LMO7: variants seen among roughly 807,000 people sequenced by gnomAD.
LMO7 encodes LIM domain 7, also known as LIM domain only protein 7.
In LMO7, 120 loss-of-function variants were observed where a neutral mutation model predicts 206.5. That is an observed-to-expected ratio of 0.58 (90% CI 0.50 to 0.68). The LOEUF (loss-of-function observed/expected upper bound fraction) is 0.68, where lower values mean the gene tolerates loss of function less well. Ranked by LOEUF, LMO7 falls within the 30% of genes least tolerant of loss-of-function variation. The pLI is 0.00. For synonymous variants in LMO7, 706 were observed against 681.5 expected, an observed-to-expected ratio of 1.04 and a Z score of -0.56; for missense variants, 1,959 against 1,957.9, an observed-to-expected ratio of 1.00 and a Z score of -0.01.
intron 1 of LMO7, among the ~76,000 whole-genome samples, chr13:75,712,158 G>A (rs1463716935): frequency 6.6e-6 from 1 of 152,212 alleles, no homozygotes; most frequent in Non-Finnish European, 1.5e-5. Flanking sequence ...GCTGGGGGAT[G>A]GTGGTAAAGG....
At chr13:75,630,509 CA>C (rs915793261) in intron 2 of LMO7, among the ~76,000 whole-genome samples, 1 of 151,986 alleles carries the variant, frequency 6.6e-6, no homozygotes, top group African/African-American at 2.4e-5. Flanking sequence ...ACCGTCTCTA[CA>C]AAAAATACAA....
chr13:75,706,233 C>T (rs960924949), intron 1 of LMO7, among the ~76,000 whole-genome samples: 4 of 152,188 alleles, frequency 2.6e-5, no homozygotes, highest in Non-Finnish European at 4.4e-5. Context: ...TACTTGGCCT[C>T]AACAGGCCAC....
At chr13:75,630,063 C>A (rs1247084013) in intron 2 of LMO7, among the ~76,000 whole-genome samples, 1 of 152,174 alleles carries the variant, frequency 6.6e-6, no homozygotes, top group East Asian at 1.9e-4. Context: ...TTGCATAAAA[C>A]CTACACAGTC....
chr13:75,809,085 A>G, intron 10 of LMO7, 69 bp from the exon 11 acceptor site: 1 of 1,159,658 alleles, frequency 8.6e-7, no homozygotes, highest in South Asian at 1.2e-5. Flanking sequence ...AGTGGAAGAC[A>G]TTGAACGTTT....
At chr13:75,842,447 T>TA (rs2059625598) in intron 24 of LMO7, among the ~76,000 whole-genome samples, 1 of 152,124 alleles carries the variant, frequency 6.6e-6, no homozygotes, top group Non-Finnish European at 1.5e-5. Flanking sequence ...GAATACCTGA[T>TA]TTAAAATACA....
intron 15 of LMO7, among the ~76,000 whole-genome samples, chr13:75,832,713 TGG>T (rs1261538313): frequency 1.3e-5 from 2 of 152,110 alleles, no homozygotes; most frequent in Non-Finnish European, 2.9e-5. Context: ...ACTTTATTCC[TGG>T]GCAGTGAATA....
chr13:75,725,969 G>C (rs1268449261), intron 2 of LMO7, among the ~76,000 whole-genome samples: 1 of 151,174 alleles, frequency 6.6e-6, no homozygotes, highest in South Asian at 2.1e-4. Context: ...TTGAAGGAGT[G>C]ACATTCCACA....
intron 1 of LMO7, among the ~76,000 whole-genome samples, chr13:75,674,763 G>A (rs546839165): frequency 6.6e-6 from 1 of 152,272 alleles, no homozygotes; most frequent in African/African-American, 2.4e-5. Flanking sequence ...AATCATTTAT[G>A]TTATCACTTG....
chr13:75,744,955 A>G (rs2046717269), intron 3 of LMO7, among the ~76,000 whole-genome samples: 1 of 152,232 alleles, frequency 6.6e-6, no homozygotes, highest in African/African-American at 2.4e-5. Context: ...ATGGCATATC[A>G]GCTCCAGATG....
At chr13:75,631,417 G>A (rs2034930624), upstream of LMO7, 1 of 152,208 alleles carries the variant, frequency 6.6e-6, no homozygotes, top group African/African-American at 2.4e-5. Flanking sequence ...GTAGCTTTGG[G>A]ATTCTCATTC....
At chr13:75,704,104 T>G (rs1279091362) in intron 1 of LMO7, among the ~76,000 whole-genome samples, 1 of 152,200 alleles carries the variant, frequency 6.6e-6, no homozygotes. Flanking sequence ...GAAGGGTGTT[T>G]TTAATTGATT....
chr13:75,820,795 T>C (rs2057491629), intron 13 of LMO7, among the ~76,000 whole-genome samples: 1 of 152,010 alleles, frequency 6.6e-6, no homozygotes, highest in Non-Finnish European at 1.5e-5. Flanking sequence ...GAGTTCGAGA[T>C]CAGCTTGGCC....
At chr13:75,752,331 A>G (rs571009470) in intron 3 of LMO7, among the ~76,000 whole-genome samples, 6 of 152,116 alleles carry the variant, frequency 3.9e-5, no homozygotes, top group South Asian at 2.1e-4. Flanking sequence ...GGGTTTCACC[A>G]TGAGTTATTC....
intron 1 of LMO7, among the ~76,000 whole-genome samples, chr13:75,680,464 A>G (rs2040383107): frequency 6.6e-6 from 1 of 152,166 alleles, no homozygotes; most frequent in Non-Finnish European, 1.5e-5. Flanking sequence ...GTCTTTGAGT[A>G]ATTGCCACAC....
chr13:75,796,569 A>G, intron 5 of LMO7, 67 bp from the exon 6 acceptor site: 1 of 847,840 alleles, frequency 1.2e-6, no homozygotes, highest in Middle Eastern at 2.2e-4. Flanking sequence ...GTACTCACCT[A>G]TATTTGAGCT....
intron 1 of LMO7, among the ~76,000 whole-genome samples, chr13:75,700,405 T>G (rs944004894): frequency 1.3e-5 from 2 of 152,366 alleles, no homozygotes; most frequent in Middle Eastern, 3.4e-3. Flanking sequence ...TTTGGAGAAC[T>G]AATAAATGTA....
chr13:75,842,736 A>G (rs139485816), intron 24 of LMO7, 115 bp from the exon 25 acceptor site: 3 of 664,080 alleles, frequency 4.5e-6, no homozygotes, highest in Middle Eastern at 4.0e-4. Flanking sequence ...TTTTTAACCC[A>G]AAGACCATTT....
chr13:75,710,181 A>T (rs1203577903), intron 1 of LMO7, among the ~76,000 whole-genome samples: 1 of 151,368 alleles, frequency 6.6e-6, no homozygotes, highest in Non-Finnish European at 1.5e-5. Flanking sequence ...TAGCAGTACC[A>T]TGCTGTTTTG....
intron 2 of LMO7, among the ~76,000 whole-genome samples, chr13:75,716,974 T>C (rs115568200): frequency 0.038 from 5,811 of 151,362 alleles, 171 homozygotes; most frequent in Non-Finnish European, 0.055. Context: ...GGTTAGTCAG[T>C]CTGTACCTCC....
Sources: allele counts gnomAD v4.1 joint callset (sites outside exome capture counted in the v4.1 genomes callset), GRCh38; gene constraint gnomAD v4.1.1; transcripts MANE v1.5; gene names NCBI Gene and HGNC (gene_info 2026-07-23, HGNC 2026-07-21).